Variants in PRMT3 observed in about 807,000 individuals in gnomAD.
PRMT3 encodes the protein protein arginine N-methyltransferase 3.
A neutral mutation model predicts 71.9 loss-of-function variants in PRMT3; 62 were observed. That is an observed-to-expected ratio of 0.86 (90% CI 0.70 to 1.07). PRMT3 has a LOEUF of 1.07. Ranked by LOEUF, PRMT3 falls within the 50% of genes least tolerant of loss-of-function variation. PRMT3 has a pLI of 0.00. For missense variants in PRMT3, 663 were observed against 643.0 expected (o/e 1.03, Z -0.34); for synonymous variants, 213 against 220.4 (o/e 0.97, Z 0.30).
intron 10 of PRMT3, among the ~76,000 whole-genome samples, chr11:20,446,917 A>G (rs1277532098): frequency 6.6e-6 from 1 of 152,162 alleles, no homozygotes; most frequent in Admixed American, 6.6e-5. Context: ...GTGGAGCTGT[A>G]AGGAAAGTAT....
In PRMT3 at chr11:20,392,056, T is replaced by G. The variant is rs149627582; in HGVS notation, c.248-155T>G. On this transcript the variant is annotated intron_variant, in intron 3 of 15. Transcript: ENST00000331079. The stretch of plus-strand genomic sequence containing the variant: ...CAAGATATTCAGAAGTATCATTGTA[T>G]TACTACTTCTAATTCTTAATAAAAT... Among the ~76,000 whole-genome samples, 320 of 152,348 alleles carry G rather than the reference T, an allele frequency of 2.1e-3. 4 individuals carry two copies. Among genetic ancestry groups the G allele is most frequent in the Non-Finnish European group, 3.6e-3 (248 of 68,030 alleles).
chr11:20,471,518 T>C (rs899455271), intron 13 of PRMT3, among the ~76,000 whole-genome samples: 2 of 152,106 alleles, frequency 1.3e-5, no homozygotes, highest in Non-Finnish European at 2.9e-5. Context: ...GATCAGTTGA[T>C]TGAAGGTGTG....
intron 11 of PRMT3, among the ~76,000 whole-genome samples, chr11:20,460,759 A>G (rs960095750): frequency 2.0e-5 from 3 of 152,092 alleles, no homozygotes; most frequent in Admixed American, 6.6e-5. Flanking sequence ...TAGTACCACA[A>G]TCTGTGCTGT....
intron 11 of PRMT3, among the ~76,000 whole-genome samples, chr11:20,461,414 CTAAATA>C (rs1297219157): frequency 2.0e-5 from 3 of 152,114 alleles, no homozygotes; most frequent in South Asian, 2.1e-4. Context: ...TCAAAATAGT[CTAAATA>C]TAAGTTTATT....
chr11:20,481,262 TA>T (rs11451315), intron 13 of PRMT3, among the ~76,000 whole-genome samples: 65 of 147,268 alleles, frequency 4.4e-4, no homozygotes, highest in East Asian at 1.0e-3. Context: ...AGCATTCAGG[TA>T]AAAAAAAAAA....
At chr11:20,420,451 C>T (rs1014250033) in intron 9 of PRMT3, among the ~76,000 whole-genome samples, 22 of 152,154 alleles carry the variant, frequency 1.4e-4, no homozygotes, top group African/African-American at 4.1e-4. Context: ...AGGAATTGGG[C>T]CACACAGCAG....
At chr11:20,448,324 G>T (rs1850075997) in intron 10 of PRMT3, among the ~76,000 whole-genome samples, 1 of 152,112 alleles carries the variant, frequency 6.6e-6, no homozygotes, top group Admixed American at 6.6e-5. Flanking sequence ...ACAACTGACT[G>T]CCAGCTCCAA....
At chr11:20,424,183 CA>C (rs59351768) in intron 9 of PRMT3, among the ~76,000 whole-genome samples, 94,836 of 110,948 alleles carry the variant, frequency 0.85, 40,149 homozygotes, top group Middle Eastern at 0.95. Context: ...GACGCCATCT[CA>C]AAAAAAAAAA....
At chr11:20,475,701 T>TGGAGTGCA (rs1238431463) in intron 13 of PRMT3, among the ~76,000 whole-genome samples, 1 of 145,926 alleles carries the variant, frequency 6.9e-6, no homozygotes, top group African/African-American at 2.6e-5. Context: ...TCTTCTGGGC[T>TGGAGTGCA]GGAGTGCAGA....
intron 9 of PRMT3, among the ~76,000 whole-genome samples, chr11:20,417,232 T>C (rs1011498339): frequency 6.6e-6 from 1 of 152,194 alleles, no homozygotes; most frequent in Non-Finnish European, 1.5e-5. Context: ...ATCAGTGTCT[T>C]ACATTTTACG....
At chr11:20,406,861 T>C (rs1257086850) in intron 8 of PRMT3, 1 of 152,206 alleles carries the variant, frequency 6.6e-6, no homozygotes, top group Non-Finnish European at 1.5e-5. Context: ...TGAGGTGATA[T>C]TTATATTGAT....
chr11:20,392,851 G>A (rs768523460), intron 4 of PRMT3, 46 bp from the exon 5 acceptor site: 1 of 1,206,672 alleles, frequency 8.3e-7, no homozygotes, highest in Admixed American at 2.0e-5. Flanking sequence ...AGGGGATTTT[G>A]TGATTATATG....
intron 13 of PRMT3, among the ~76,000 whole-genome samples, chr11:20,465,586 C>T (rs1333170425): frequency 6.6e-6 from 1 of 151,736 alleles, no homozygotes; most frequent in Non-Finnish European, 1.5e-5. Context: ...ATTTTATATC[C>T]AAATAAGTTT....
chr11:20,481,293 G>T (rs894677288), intron 13 of PRMT3, among the ~76,000 whole-genome samples: 7 of 151,436 alleles, frequency 4.6e-5, no homozygotes, highest in African/African-American at 1.2e-4. Context: ...AGAAATAATG[G>T]TCTCAGTAGT....
At chr11:20,500,578 T>C (rs1565241267) in intron 15 of PRMT3, among the ~76,000 whole-genome samples, 1 of 152,280 alleles carries the variant, frequency 6.6e-6, no homozygotes, top group Non-Finnish European at 1.5e-5. Flanking sequence ...AATCCAGAAA[T>C]AGACCTGCTC....
rs145724475 is a variant in PRMT3 at position 20,463,937 on chromosome 11, G to A, written c.1261-523G>A. On this transcript the variant is annotated intron_variant, in intron 12 of 15. Coordinates refer to ENST00000331079, the MANE Select transcript of PRMT3 (RefSeq NM_005788.4). ...TTTGCTGTTTTGTTTGAATTGTGTG[G>A]TTTCTCCTCATATCTAACAAAACTT... Among the ~76,000 whole-genome samples, 12 of 152,238 alleles carry A rather than the reference G, an allele frequency of 7.9e-5. 3 individuals are homozygous for A. Among genetic ancestry groups the A allele is most frequent in the African/African-American group, 2.9e-4 (12 of 41,542 alleles).
intron 13 of PRMT3, among the ~76,000 whole-genome samples, chr11:20,491,219 C>G (rs1465836161): frequency 6.6e-6 from 1 of 151,972 alleles, no homozygotes; most frequent in African/African-American, 2.4e-5. Flanking sequence ...CTGAGAATTT[C>G]TGTCTTTTGA....
intron 15 of PRMT3, among the ~76,000 whole-genome samples, chr11:20,500,722 A>G (rs1344993757): frequency 6.6e-6 from 1 of 152,232 alleles, no homozygotes; most frequent in Non-Finnish European, 1.5e-5. Context: ...ACTAACATAC[A>G]TAAAAACTAA....
At chr11:20,465,358 TTTATA>T (rs1388969249) in intron 13 of PRMT3, among the ~76,000 whole-genome samples, 3 of 151,970 alleles carry the variant, frequency 2.0e-5, no homozygotes, top group South Asian at 2.1e-4. Context: ...TATTAACATA[TTTATA>T]TTATTTTAAA....
Sources: gnomAD v4.1 joint callset for allele counts (sites outside exome capture counted in the v4.1 genomes callset) on GRCh38, gnomAD v4.1.1 for gene constraint, MANE v1.5 for transcripts, NCBI Gene and HGNC (gene_info 2026-07-23, HGNC 2026-07-21) for gene names.